Variants in SEMG1 observed in about 807,000 individuals in gnomAD.
SEMG1 encodes the protein semenogelin 1.
SEMG1 carries 6 observed loss-of-function variants against 8.8 expected under a neutral mutation model. The observed-to-expected ratio is 0.68, with a 90% CI of 0.37 to 1.35. The LOEUF is 1.35. Ranked by LOEUF, SEMG1 falls within the 40% of genes most tolerant of loss-of-function variation. The pLI is 0.02. For synonymous variants in SEMG1, 221 were observed against 190.3 expected, an observed-to-expected ratio of 1.16 and a Z score of -1.33; for missense variants, 580 against 533.6, an observed-to-expected ratio of 1.09 and a Z score of -0.86.
In SEMG1 at chr20:45,207,815, A is replaced by C; in HGVS notation, c.518A>C (p.Lys173Thr). The change falls in exon 2 of 3, where the codon AAA becomes ACA. Residue 173 changes from lysine to threonine, a missense_variant. Lys to Thr is a moderately conservative substitution (Grantham distance 78). Transcript: ENST00000372781. ...EERLWVHGLS[K>T]EQTSVSGAQK... is the part of the protein sequence containing the mutation. ...AGGCTGTGGGTTCATGGACTAAGTAAAGAACAAACTTCCGTCTCTGGTGCA... is the reference window on the plus strand; with the variant it reads ...AGGCTGTGGGTTCATGGACTAAGTACAGAACAAACTTCCGTCTCTGGTGCA... 1.9e-6 allele frequency: 3 copies of C among 1,614,088 alleles called. No individual in the cohort carries two copies. Among genetic ancestry groups the C allele is most frequent in the Non-Finnish European group, 2.5e-6 (3 of 1,179,972 alleles).
chr20:45,208,941 G>C (rs906628865), intron 2 of SEMG1, among the ~76,000 whole-genome samples: 1 of 152,130 alleles, frequency 6.6e-6, no homozygotes, highest in Non-Finnish European at 1.5e-5. Flanking sequence ...TGAGGTCCTA[G>C]AATTCCTATC....
In SEMG1 at chr20:45,208,855, G is replaced by A. The variant is rs1983780598; in HGVS notation, c.*44+125G>A. On this transcript the variant is annotated intron_variant, in intron 2 of 2. Transcript: ENST00000372781. Reference sequence around the variant, plus strand: ...CCAATAGAAGTGCTGTATAACAAGTGGTAGGAAGATGAGCCTCCCCATTCC... The same window carrying A: ...CCAATAGAAGTGCTGTATAACAAGTAGTAGGAAGATGAGCCTCCCCATTCC... 10 of 526,408 alleles carry A rather than the reference G, an allele frequency of 1.9e-5. No homozygotes were observed. In the South Asian group the frequency reaches 3.0e-4, roughly 16 times the overall value. The allele number at this position is 526,408 out of a possible 1,614,324, so 32.6% of individuals were successfully genotyped here.
chr20:45,207,121 G>A lies in SEMG1; in HGVS notation c.68G>A (p.Gly23Glu). 1 of 1,613,706 alleles carries A rather than the reference G, an allele frequency of 6.2e-7. No homozygotes were observed. The highest frequency in any genetic ancestry group is 8.5e-7 in the Non-Finnish European group (1 of 1,179,758). ...TTGGAGAAGCAAGCAGCTGTGATGGGACAAAAAGGTGAGTGGAGAGGGTAA... is the reference window on the plus strand; with the variant it reads ...TTGGAGAAGCAAGCAGCTGTGATGGAACAAAAAGGTGAGTGGAGAGGGTAA... Reference protein sequence around the residue: ...LILEKQAAVMGQKGGSKGRLP... With the variant: ...LILEKQAAVMEQKGGSKGRLP... Residue 23 changes from glycine (G) to glutamate (E), a missense_variant, in exon 1 of 3, where the codon GGA (glycine) becomes GAA (glutamate). Gly to Glu is a moderately conservative substitution (Grantham distance 98, BLOSUM62 -2). Transcript: ENST00000372781.
chr20:45,208,526 C>T lies in SEMG1; in HGVS notation c.1229C>T (p.Ser410Phe). 2 of 1,613,994 alleles carry T rather than the reference C, an allele frequency of 1.2e-6. No individual in the cohort carries two copies. Among genetic ancestry groups the T allele is most frequent in the Non-Finnish European group, 1.7e-6 (2 of 1,179,930 alleles). The part of the protein sequence containing the change: ...GENAKGESGQ[S>F]TNREQDLLSH... ...AATGCAAAAGGAGAGTCTGGCCAAT[C>T]TACAAATAGAGAACAAGACCTACTC... is the stretch of plus-strand genomic sequence containing the variant. Residue 410 changes from serine to phenylalanine, a missense_variant, in exon 2 of 3, where the codon TCT becomes TTT. Transcript: ENST00000372781.
chr20:45,207,375 T>C lies in SEMG1; in HGVS notation c.78T>C (p.Gly26=), dbSNP rs144048730. Reference sequence around the variant, plus strand: ...TACCTTCTTATTATCAATTACCAGGTGGATCAAAAGGCCGATTACCAAGTG... The same window carrying C: ...TACCTTCTTATTATCAATTACCAGGCGGATCAAAAGGCCGATTACCAAGTG... The part of the protein sequence containing the change: ...EKQAAVMGQK[G]GSKGRLPSEF... Residue 26 remains glycine, a splice_region_variant and synonymous_variant, in exon 2 of 3, where the codon GGT becomes GGC. Coordinates refer to ENST00000372781, the MANE Select transcript of SEMG1 (RefSeq NM_003007.5). The C allele has an allele frequency of 1.1e-4, 176 of 1,606,178 alleles. No individual in the cohort carries two copies. The African/African-American group carries it at 1.9e-3, about 17-fold the overall frequency.
rs752819891 is a variant in SEMG1 at position 45,207,937 on chromosome 20, C to T, written c.640C>T (p.His214Tyr). Residue 214 changes from histidine (H) to tyrosine (Y), a missense_variant, in exon 2 of 3, where the codon CAT becomes TAT. His to Tyr is a moderately conservative substitution (Grantham distance 83). Coordinates refer to ENST00000372781, the MANE Select transcript of SEMG1 (RefSeq NM_003007.5). ...ACAACAACGTGAGACTAAAAATTCT[C>T]ATCAAAATAAAGGGCATTACCAAAA... ...NKQQRETKNS[H>Y]QNKGHYQNVV... 15 of 1,613,840 alleles carry T rather than the reference C, an allele frequency of 9.3e-6. No homozygotes were observed. Among genetic ancestry groups the T allele is most frequent in the Admixed American group, 5.0e-5 (3 of 59,972 alleles).
At position 45,207,791 on chromosome 20, in the gene SEMG1, G is replaced by C; in HGVS notation, c.494G>C (p.Arg165Thr). 1.9e-6 allele frequency: 3 copies of C among 1,614,016 alleles called. No homozygotes were observed. The highest frequency in any genetic ancestry group is 3.3e-5 in the Admixed American group (2 of 60,004). Residue 165 changes from arginine (R) to threonine (T), a missense_variant, in exon 2 of 3, where the codon AGG (arginine) becomes ACG (threonine). Coordinates refer to ENST00000372781, the MANE Select transcript of SEMG1 (RefSeq NM_003007.5). ...AGTCAATATTCAAACACAGAAGAAA[G>C]GCTGTGGGTTCATGGACTAAGTAAA... is the stretch of plus-strand genomic sequence containing the variant. ...ISSQYSNTEE[R>T]LWVHGLSKEQ... is the part of the protein sequence containing the mutation.
intron 1 of SEMG1, 43 bp from the exon 2 acceptor site, chr20:45,207,331 T>C (rs981749317): frequency 6.6e-7 from 1 of 1,512,518 alleles, no homozygotes; most frequent in Non-Finnish European, 9.0e-7. Flanking sequence ...GTAAGGGAGC[T>C]TTGGAGATAA....
chr20:45,207,240 GA>G, intron 1 of SEMG1, 111 bp downstream of exon 1: 1 of 1,497,728 alleles, frequency 6.7e-7, no homozygotes, highest in Non-Finnish European at 9.1e-7. Flanking sequence ...TCTTTGAAGA[GA>G]ATTGATTTTC....
chr20:45,207,867 C>A lies in SEMG1; in HGVS notation c.570C>A (p.Ser190=). 1 of 1,613,810 alleles carries A rather than the reference C, an allele frequency of 6.2e-7. No homozygotes were observed. Among genetic ancestry groups the A allele is most frequent in the East Asian group, 2.2e-5 (1 of 44,888 alleles). Residue 190 remains serine, a synonymous_variant, in exon 2 of 3, where the codon TCC becomes TCA. Transcript: ENST00000372781. ...GAQKGRKQGG[S]QSSYVLQTEE... ...AAAAAGGTAGAAAACAAGGCGGATC[C>A]CAAAGCAGTTATGTTCTCCAAACTG...
rs1359212669 is a variant in SEMG1, at chr20:45,209,749, A to G, written c.*193A>G. The G allele has an allele frequency of 6.6e-6, 1 of 152,174 alleles. No individual in the cohort carries two copies. Among genetic ancestry groups the G allele is most frequent in the Non-Finnish European group, 1.5e-5 (1 of 68,054 alleles). 9.4% of individuals were successfully genotyped at this position (152,174 alleles called of 1,614,324 possible). ...TGAAGCGCCTTCAAACTTCCAATAA[A>G]GAGATCATTTTCTGCTTCATCTGCT... is the stretch of plus-strand genomic sequence containing the variant. On this transcript the variant is annotated 3_prime_UTR_variant, in exon 3 of 3. Transcript: ENST00000372781.
In SEMG1 at chr20:45,208,412, G is replaced by A. The variant is rs2233887; in HGVS notation, c.1115G>A (p.Arg372His). 3.1e-5 allele frequency: 50 copies of A among 1,613,916 alleles called. No individual in the cohort carries two copies. In the East Asian group the frequency reaches 3.6e-4, roughly 12 times the overall value. The change falls in exon 2 of 3, where the codon CGC becomes CAC. Residue 372 changes from arginine (R) to histidine (H), a missense_variant. Transcript: ENST00000372781. ...GGTGTGCAGAAAGATGTATCCCAAC[G>A]CAGTATTTATAGCCAAACTGAAAAG... ...ENGVQKDVSQ[R>H]SIYSQTEKLV...
chr20:45,207,496 T>A lies in SEMG1; in HGVS notation c.199T>A (p.Tyr67Asn). The change falls in exon 2 of 3, where the codon TAC becomes AAC. Residue 67 changes from tyrosine (Y) to asparagine (N), a missense_variant. Coordinates refer to ENST00000372781, the MANE Select transcript of SEMG1 (RefSeq NM_003007.5). Reference sequence around the variant, plus strand: ...ATCCAAAGGCAGTTTTTCTATTCAATACACATATCATGTAGATGCCAATGA... The same window carrying A: ...ATCCAAAGGCAGTTTTTCTATTCAAAACACATATCATGTAGATGCCAATGA... ...TESKGSFSIQ[Y>N]TYHVDANDHD... 1.2e-6 allele frequency: 2 copies of A among 1,613,820 alleles called. No individual in the cohort carries two copies. The highest frequency in any genetic ancestry group is 1.7e-6 in the Non-Finnish European group (2 of 1,179,822).
chr20:45,207,609 A>G lies in SEMG1; in HGVS notation c.312A>G (p.Gln104=), dbSNP rs1431009588. Residue 104 remains glutamine (Q), a synonymous_variant, in exon 2 of 3, where the codon CAA becomes CAG. Transcript: ENST00000372781. The part of the protein sequence containing the change: ...TKSQRHLGGS[Q]QLLHNKQEGR... ...CACAACGACATCTAGGTGGAAGTCA[A>G]CAACTGCTCCATAATAAACAAGAAG... The G allele has an allele frequency of 1.9e-6, 3 of 1,613,772 alleles. No individual in the cohort carries two copies. In the East Asian group the frequency reaches 6.7e-5, roughly 36 times the overall value.
In SEMG1 at chr20:45,207,673, G is replaced by A. The variant is rs1816435561; in HGVS notation, c.376G>A (p.Val126Ile). The A allele has an allele frequency of 1.9e-6, 3 of 1,613,912 alleles. No homozygotes were observed. Among genetic ancestry groups the A allele is most frequent in the Non-Finnish European group, 2.5e-6 (3 of 1,179,870 alleles). Residue 126 changes from valine (V) to isoleucine (I), a missense_variant, in exon 2 of 3, where the codon GTA (valine) becomes ATA (isoleucine). By Grantham distance (29) the Val-to-Ile change is conservative. Transcript: ENST00000372781. ...TAAATCAAAAGGTCATTTTCACAGG[G>A]TAGTTATACACCATAAAGGAGGCAA... ...HDKSKGHFHR[V>I]VIHHKGGKAH...
chr20:45,209,050 AT>A (rs772451659), intron 2 of SEMG1, among the ~76,000 whole-genome samples: 4 of 152,144 alleles, frequency 2.6e-5, no homozygotes, highest in Non-Finnish European at 5.9e-5. Context: ...TTATAAGTTT[AT>A]GGTATACTCT....
chr20:45,207,912 A>AC lies in SEMG1; in HGVS notation c.616dup (p.Gln206ProfsTer4). The AC allele has an allele frequency of 6.2e-7, 1 of 1,614,102 alleles. No homozygotes were observed. Among genetic ancestry groups the AC allele is most frequent in the Non-Finnish European group, 8.5e-7 (1 of 1,179,976 alleles). The stretch of plus-strand genomic sequence containing the variant: ...AAACTGAAGAGCTAGTAGCTAACAA[A>AC]CAACAACGTGAGACTAAAAATTCTC... On this transcript the variant is annotated frameshift_variant, in exon 2 of 3. Transcript: ENST00000372781. LOFTEE classifies it low-confidence loss of function (END_TRUNC).
At chr20:45,208,777 G>T in intron 2 of SEMG1, 47 bp downstream of exon 2, 1 of 900,882 alleles carries the variant, frequency 1.1e-6, no homozygotes, top group East Asian at 2.4e-5. Flanking sequence ...TCATTGTTTA[G>T]AATTGTTGGG....
Position 45,207,768 on chromosome 20 carries a change from T to C in SEMG1, c.471T>C (p.Ser157=), listed in dbSNP as rs2145583520. The C allele has an allele frequency of 6.2e-7, 1 of 1,613,876 alleles. No individual in the cohort carries two copies. Among genetic ancestry groups the C allele is most frequent in the Non-Finnish European group, 8.5e-7 (1 of 1,179,916 alleles). The change falls in exon 2 of 3, where the codon AGT becomes AGC. Residue 157 remains serine (S), a synonymous_variant. Transcript: ENST00000372781. Reference sequence around the variant, plus strand: ...GCCCATCTGGAAAGGGAATATCCAGTCAATATTCAAACACAGAAGAAAGGC... The same window carrying C: ...GCCCATCTGGAAAGGGAATATCCAGCCAATATTCAAACACAGAAGAAAGGC... The part of the protein sequence containing the change: ...GNSPSGKGIS[S]QYSNTEERLW...
Sources: gnomAD v4.1 joint callset for allele counts (sites outside exome capture counted in the v4.1 genomes callset) on GRCh38, gnomAD v4.1.1 for gene constraint, MANE v1.5 for transcripts, NCBI Gene and HGNC (gene_info 2026-07-23, HGNC 2026-07-21) for gene names.